The following FHIT variants were observed in gnomAD, a reference collection of about 807,000 sequenced individuals.
FHIT encodes bis(5'-adenosyl)-triphosphatase.
A neutral mutation model predicts 17.9 loss-of-function variants in FHIT; 19 were observed. The ratio of observed to expected loss-of-function variants is 1.06; its 90% CI spans 0.74 to 1.56. The LOEUF is 1.56. Among genes scored for constraint, FHIT ranks in the 40% most tolerant of loss-of-function variants. The pLI, the probability that FHIT is intolerant of heterozygous loss-of-function variation, is 0.00. For synonymous variants in FHIT, 81 were observed against 69.7 expected (o/e 1.16, Z -0.81); for missense variants, 248 against 189.2 (o/e 1.31, Z -1.82).
intron 5 of FHIT, among the ~76,000 whole-genome samples, chr3:60,056,383 G>A (rs114882228): frequency 6.6e-6 from 1 of 152,170 alleles, no homozygotes; most frequent in Non-Finnish European, 1.5e-5. Context: ...GAGGGGGGAA[G>A]AATAAAATGC....
chr3:60,022,113 T>C (rs1700574799), intron 5 of FHIT, among the ~76,000 whole-genome samples: 1 of 152,190 alleles, frequency 6.6e-6, no homozygotes, highest in Non-Finnish European at 1.5e-5. Flanking sequence ...ACAGGACACA[T>C]GTTTCAGAGG....
rs9856262 is a variant in FHIT at position 60,994,700 on chromosome 3, T to C, written c.-111+47347A>G. On this transcript the variant is annotated intron_variant, in intron 3 of 9. Transcript: ENST00000492590. ...AGGGACATTGAGACCAAAATGTCCA[T>C]TGGGCAATGGGAATCTGAGCCTGGA... 2.2e-3 allele frequency among the ~76,000 whole-genome samples: 336 copies of C among 152,256 alleles called. 1 individual carries two copies. In the Middle Eastern group the frequency reaches 0.024, roughly 11 times the overall value.
intron 5 of FHIT, among the ~76,000 whole-genome samples, chr3:60,489,915 T>C (rs555370857): frequency 6.6e-6 from 1 of 152,134 alleles, no homozygotes; most frequent in Non-Finnish European, 1.5e-5. Flanking sequence ...TTGGAGTTTT[T>C]ATTACTCCAA....
intron 8 of FHIT, among the ~76,000 whole-genome samples, chr3:59,776,460 G>T (rs951814255): frequency 2.0e-5 from 3 of 152,254 alleles, no homozygotes; most frequent in Admixed American, 1.3e-4. Context: ...ACAGGACATT[G>T]CACAGGCTAT....
chr3:60,186,774 C>T (rs986985486), intron 5 of FHIT, among the ~76,000 whole-genome samples: 1 of 151,164 alleles, frequency 6.6e-6, no homozygotes, highest in Non-Finnish European at 1.5e-5. Flanking sequence ...TGGAAAGTGC[C>T]ATGCCCGCAA....
At chr3:60,740,346 C>G (rs1216114576) in intron 4 of FHIT, among the ~76,000 whole-genome samples, 1 of 152,168 alleles carries the variant, frequency 6.6e-6, no homozygotes, top group African/African-American at 2.4e-5. Flanking sequence ...CCCCTTCAAT[C>G]CTCAAATCCT....
chr3:60,646,861 A>G (rs1033067578), intron 4 of FHIT, among the ~76,000 whole-genome samples: 2 of 152,216 alleles, frequency 1.3e-5, no homozygotes, highest in African/African-American at 4.8e-5. Flanking sequence ...ATTACTTCAA[A>G]CAATTTACCA....
chr3:60,021,041 C>A (rs1700535350), intron 5 of FHIT, among the ~76,000 whole-genome samples: 2 of 152,126 alleles, frequency 1.3e-5, no homozygotes, highest in South Asian at 4.1e-4. Context: ...TATTCATCAA[C>A]CATAACCATA....
chr3:60,670,797 T>C (rs1365137015), intron 4 of FHIT, among the ~76,000 whole-genome samples: 1 of 152,302 alleles, frequency 6.6e-6, no homozygotes, highest in South Asian at 2.1e-4. Context: ...ATAGTGAAAT[T>C]TGGATTAAAC....
At chr3:61,128,415 T>A (rs1453761397) in intron 2 of FHIT, among the ~76,000 whole-genome samples, 1 of 152,204 alleles carries the variant, frequency 6.6e-6, no homozygotes, top group Non-Finnish European at 1.5e-5. Context: ...ACTTAGAAGA[T>A]AATAGGGATT....
Position 60,387,023 on chromosome 3 carries a change from CTT to C in FHIT, c.103+149835_103+149836del, listed in dbSNP as rs71627536. ...TTTGCCTAAGGAAATTCTATTTATT[CTT>C]TTTTTTTTTTGGAGTGCAACAGCGC... On this transcript the variant is annotated intron_variant, in intron 5 of 9. Transcript: ENST00000492590. Among the ~76,000 whole-genome samples the C allele has an allele frequency of 1.1e-3, 147 of 136,404 alleles. 1 individual carries two copies. The highest frequency in any genetic ancestry group is 3.6e-3 in the African/African-American group (134 of 37,194). The allele number at this position is 136,404 out of a possible 152,430, so 89.5% of individuals were successfully genotyped here. A position where few individuals can be genotyped will look rare whatever the true frequency, so the allele number is the denominator to read the frequency against.
At chr3:60,813,627 TC>T (rs1400152660) in intron 4 of FHIT, among the ~76,000 whole-genome samples, 2 of 152,218 alleles carry the variant, frequency 1.3e-5, no homozygotes, top group African/African-American at 4.8e-5. Flanking sequence ...TTACATTTTT[TC>T]ACCTGTGTTG....
chr3:60,787,156 G>C (rs1700611375), intron 4 of FHIT, among the ~76,000 whole-genome samples: 1 of 152,096 alleles, frequency 6.6e-6, no homozygotes, highest in Non-Finnish European at 1.5e-5. Context: ...TCCAAGTAAT[G>C]ACCCATGTGG....
intron 2 of FHIT, among the ~76,000 whole-genome samples, chr3:61,081,726 A>T (rs1406782486): frequency 6.6e-6 from 1 of 152,176 alleles, no homozygotes; most frequent in African/African-American, 2.4e-5. Flanking sequence ...CACCATTCAC[A>T]TTGCATTAAG....
At chr3:60,037,649 T>C (rs998390776) in intron 5 of FHIT, among the ~76,000 whole-genome samples, 1 of 151,906 alleles carries the variant, frequency 6.6e-6, no homozygotes, top group African/African-American at 2.4e-5. Flanking sequence ...CTCAAAGTGC[T>C]GGGATTACAG....
At chr3:59,779,708 T>C (rs1702485812) in intron 8 of FHIT, among the ~76,000 whole-genome samples, 1 of 152,298 alleles carries the variant, frequency 6.6e-6, no homozygotes, top group Middle Eastern at 3.4e-3. Context: ...CTCAAGTCAG[T>C]GTCTCTCCCC....
At chr3:59,965,619 CAGT>C (rs910705011) in intron 7 of FHIT, among the ~76,000 whole-genome samples, 11 of 152,112 alleles carry the variant, frequency 7.2e-5, no homozygotes, top group African/African-American at 2.7e-4. Context: ...TAGACCTTGC[CAGT>C]TCTAACCTAG....
intron 5 of FHIT, among the ~76,000 whole-genome samples, chr3:60,049,426 T>G (rs1265969403): frequency 1.3e-5 from 2 of 149,628 alleles, no homozygotes; most frequent in African/African-American, 4.8e-5. Flanking sequence ...ATGAGAATAC[T>G]TTTAAATATT....
At chr3:60,776,072 C>T (rs1223245155) in intron 4 of FHIT, among the ~76,000 whole-genome samples, 19 of 152,110 alleles carry the variant, frequency 1.2e-4, no homozygotes, top group African/African-American at 4.6e-4. Flanking sequence ...TAGCCTCCAC[C>T]CACCCCCAAC....
Sources: gnomAD v4.1 joint callset for allele counts (sites outside exome capture counted in the v4.1 genomes callset) on GRCh38, gnomAD v4.1.1 for gene constraint, MANE v1.5 for transcripts, NCBI Gene and HGNC (gene_info 2026-07-23, HGNC 2026-07-21) for gene names.